Variants in LRRC4C observed in about 807,000 individuals in gnomAD.
LRRC4C encodes leucine-rich repeat-containing protein 4C.
In LRRC4C, 5 loss-of-function variants were observed where a neutral mutation model predicts 33.6. That is an observed-to-expected ratio of 0.15 (90% CI 0.08 to 0.31). The LOEUF (loss-of-function observed/expected upper bound fraction) is 0.31. LRRC4C is among the 10% of genes least tolerant of loss of function. The pLI is 1.00. For missense variants in LRRC4C, 560 were observed against 796.7 expected (o/e 0.70, Z 3.58); for synonymous variants, 329 against 302.0 (o/e 1.09, Z -0.93).
Position 40,114,958 on chromosome 11 carries a change from T to G in LRRC4C, c.1335A>C (p.Ala445=). Reference sequence around the variant, plus strand: ...AGTAAGAGAAAGGAGTAGTGGTTGCTGCAGTAACATTCAGGGTGGCTGAAG... The same window carrying G: ...AGTAAGAGAAAGGAGTAGTGGTTGCGGCAGTAACATTCAGGGTGGCTGAAG... ...TTASATLNVT[A]ATTTPFSYFS... Residue 445 remains alanine, a synonymous_variant, in exon 7 of 7, where the codon GCA becomes GCC. Transcript: ENST00000528697. 6.2e-7 allele frequency: 1 copy of G among 1,614,206 alleles called. No homozygotes were observed. The highest frequency in any genetic ancestry group is 8.5e-7 in the Non-Finnish European group (1 of 1,180,030).
intron 2 of LRRC4C, among the ~76,000 whole-genome samples, chr11:40,675,920 T>C (rs1944375668): frequency 1.3e-5 from 2 of 152,070 alleles, no homozygotes; most frequent in Admixed American, 6.6e-5. Flanking sequence ...TTCAAAGCAA[T>C]AGGAAAAGAA....
intron 3 of LRRC4C, among the ~76,000 whole-genome samples, chr11:40,569,416 CAG>C (rs1346358397): frequency 6.6e-6 from 1 of 152,086 alleles, no homozygotes; most frequent in Non-Finnish European, 1.5e-5. Flanking sequence ...CTTGCAAAAC[CAG>C]AGTCAGTTAC....
intron 1 of LRRC4C, among the ~76,000 whole-genome samples, chr11:41,013,314 TA>T (rs1339542389): frequency 6.6e-6 from 1 of 152,226 alleles, no homozygotes; most frequent in Non-Finnish European, 1.5e-5. Flanking sequence ...GGCACGTTTT[TA>T]ATTTTGGGCA....
intron 3 of LRRC4C, among the ~76,000 whole-genome samples, chr11:40,396,623 T>C (rs150980908): frequency 6.6e-6 from 1 of 152,244 alleles, no homozygotes; most frequent in Non-Finnish European, 1.5e-5. Flanking sequence ...AGAAACCTAT[T>C]AGTAAAATCG....
At chr11:40,787,994 G>A (rs1380315604) in intron 2 of LRRC4C, among the ~76,000 whole-genome samples, 1 of 152,108 alleles carries the variant, frequency 6.6e-6, no homozygotes, top group Admixed American at 6.6e-5. Context: ...ACAAAACACC[G>A]CACTGTTACC....
intron 4 of LRRC4C, among the ~76,000 whole-genome samples, chr11:40,318,746 AGTATGCCTCAAAAATT>A (rs1945699465): frequency 6.6e-6 from 1 of 152,168 alleles, no homozygotes; most frequent in Non-Finnish European, 1.5e-5. Flanking sequence ...ATAACTTAAC[AGTATGCCTCAAAAATT>A]GAAAACTACT....
In LRRC4C at chr11:41,445,671, A is replaced by T. The variant is rs187737719; in HGVS notation, c.-496+13760T>A. On this transcript the variant is annotated intron_variant, in intron 1 of 6. Transcript: ENST00000528697. ...TGTTGAATCCATCACTTAATCTTTT[A>T]ATCTTCAGCCTTCCCATCTGTAATA... Among the ~76,000 whole-genome samples the T allele has an allele frequency of 9.2e-4, 140 of 152,282 alleles. 2 individuals carry two copies. Among genetic ancestry groups the T allele is most frequent in the African/African-American group, 7.2e-5 (3 of 41,556 alleles).
intron 2 of LRRC4C, among the ~76,000 whole-genome samples, chr11:40,797,145 C>A (rs1950867006): frequency 6.6e-6 from 1 of 151,902 alleles, no homozygotes; most frequent in Admixed American, 6.6e-5. Flanking sequence ...AGATAATTAA[C>A]AAATTGGAGA....
chr11:40,725,745 A>G (rs1947261731), intron 2 of LRRC4C, among the ~76,000 whole-genome samples: 1 of 151,900 alleles, frequency 6.6e-6, no homozygotes, highest in African/African-American at 2.4e-5. Flanking sequence ...CCTACATATC[A>G]CTCCTTTTCT....
chr11:41,251,807 G>A (rs779641043), intron 1 of LRRC4C, among the ~76,000 whole-genome samples: 27 of 152,044 alleles, frequency 1.8e-4, no homozygotes, highest in Non-Finnish European at 3.2e-4. Flanking sequence ...TGATAAAGGC[G>A]GAGCATTTGA....
chr11:40,607,831 C>T (rs1173749170), intron 3 of LRRC4C, among the ~76,000 whole-genome samples: 2 of 152,118 alleles, frequency 1.3e-5, no homozygotes, highest in African/African-American at 4.8e-5. Flanking sequence ...AACACACACC[C>T]GCTGGGGCTT....
chr11:40,212,549 C>T (rs950704662), intron 5 of LRRC4C, among the ~76,000 whole-genome samples: 81 of 151,862 alleles, frequency 5.3e-4, no homozygotes, highest in Non-Finnish European at 1.9e-4. Flanking sequence ...TATATCTCTT[C>T]CAATATGTAC....
intron 1 of LRRC4C, among the ~76,000 whole-genome samples, chr11:41,315,583 G>T (rs1950763456): frequency 6.6e-6 from 1 of 152,136 alleles, no homozygotes; most frequent in South Asian, 2.1e-4. Context: ...CCAGTCAAAT[G>T]ATCAGGTGAA....
intron 1 of LRRC4C, among the ~76,000 whole-genome samples, chr11:41,037,185 C>G (rs1857130972): frequency 6.6e-6 from 1 of 151,914 alleles, no homozygotes; most frequent in Non-Finnish European, 1.5e-5. Flanking sequence ...CTACTCGTTG[C>G]ATTATAAATT....
At chr11:40,441,240 G>T (rs1951379788) in intron 3 of LRRC4C, among the ~76,000 whole-genome samples, 1 of 152,152 alleles carries the variant, frequency 6.6e-6, no homozygotes, top group South Asian at 2.1e-4. Flanking sequence ...TGAAGGACAG[G>T]TTGTAGATAT....
At chr11:40,117,179 T>C (rs889920572) in intron 6 of LRRC4C, among the ~76,000 whole-genome samples, 1 of 152,232 alleles carries the variant, frequency 6.6e-6, no homozygotes, top group African/African-American at 2.4e-5. Flanking sequence ...TCCATAAAAA[T>C]GTTGCTATGA....
chr11:40,452,564 C>A (rs1186821234), intron 3 of LRRC4C, among the ~76,000 whole-genome samples: 6 of 152,208 alleles, frequency 3.9e-5, no homozygotes, highest in Non-Finnish European at 1.5e-5. Context: ...GAAATAGGAA[C>A]ACTTTTACAC....
chr11:41,087,789 A>G (rs894568734), intron 1 of LRRC4C, among the ~76,000 whole-genome samples: 5 of 152,206 alleles, frequency 3.3e-5, no homozygotes, highest in Non-Finnish European at 5.9e-5. Flanking sequence ...AAACAAGAAC[A>G]TAATCAGTCC....
rs149704974 is a variant in LRRC4C at position 40,709,262 on chromosome 11, T to A, written c.-406-60984A>T. Among the ~76,000 whole-genome samples the A allele has an allele frequency of 2.9e-3, 438 of 152,326 alleles. 3 individuals carry two copies. Among genetic ancestry groups the A allele is most frequent in the African/African-American group, 0.01 (422 of 41,564 alleles). On this transcript the variant is annotated intron_variant, in intron 2 of 6. Transcript: ENST00000528697. ...TCCCGTCATTATGATGTTAGCTGGT[T>A]ATTTTGCCTGTTAGTTGATGCAGTT...
Sources: allele counts gnomAD v4.1 joint callset (sites outside exome capture counted in the v4.1 genomes callset), GRCh38; gene constraint gnomAD v4.1.1; transcripts MANE v1.5; gene names NCBI Gene and HGNC (gene_info 2026-07-23, HGNC 2026-07-21).